Variants in MCC observed in about 807,000 individuals in gnomAD.
MCC encodes the protein MCC regulator of Wnt signaling pathway, also known as colorectal mutant cancer protein.
In MCC, 90 loss-of-function variants were observed where a neutral mutation model predicts 116.2. The observed-to-expected ratio is 0.77, with a 90% confidence interval of 0.65 to 0.92. The LOEUF is 0.92. Ranked by LOEUF, MCC falls within the 40% of genes least tolerant of loss-of-function variation. The pLI, the probability that MCC is intolerant of heterozygous loss-of-function variation, is 0.00. For synonymous variants in MCC, 578 were observed against 510.5 expected, an observed-to-expected ratio of 1.13 and a Z score of -1.78; for missense variants, 1,516 against 1,312.2, an observed-to-expected ratio of 1.16 and a Z score of -2.40.
chr5:113,034,292 G>A (rs1751172434), intron 17 of MCC, among the ~76,000 whole-genome samples: 3 of 152,336 alleles, frequency 2.0e-5, no homozygotes, highest in South Asian at 2.1e-4. Context: ...TGAATTTAAA[G>A]GTAATATGAA....
intron 2 of MCC, among the ~76,000 whole-genome samples, chr5:113,352,607 C>G (rs186018296): frequency 1.1e-4 from 17 of 152,078 alleles, no homozygotes; most frequent in African/African-American, 4.1e-4. Context: ...GTAGAAAGTT[C>G]TATGACTTTT....
At position 113,367,676 on chromosome 5, in the gene MCC, G is replaced by A. The variant is rs75741934; in HGVS notation, c.415+17292C>T. On this transcript the variant is annotated intron_variant, in intron 2 of 18. Transcript: ENST00000408903. ...AAAGAGAGAGAGAGAGAGCGAGAGA[G>A]AGAATCCCCTGACTGACTCTGAAAA... Among the ~76,000 whole-genome samples the A allele has an allele frequency of 6.9e-3, 1,046 of 151,030 alleles. 15 individuals are homozygous for A. Among genetic ancestry groups the A allele is most frequent in the African/African-American group, 0.025 (1,018 of 41,142 alleles).
chr5:113,475,965 T>C (rs1772224541), intron 1 of MCC, among the ~76,000 whole-genome samples: 1 of 152,202 alleles, frequency 6.6e-6, no homozygotes, highest in South Asian at 2.1e-4. Flanking sequence ...CATGGTCTGA[T>C]TGTAAACTAT....
chr5:113,124,249 A>G (rs1271436364), intron 5 of MCC, among the ~76,000 whole-genome samples: 6 of 152,238 alleles, frequency 3.9e-5, no homozygotes, highest in Non-Finnish European at 7.3e-5. Context: ...AAAGTCAACA[A>G]TAATTAGGTT....
At chr5:113,136,942 A>G (rs1486860994) in intron 5 of MCC, among the ~76,000 whole-genome samples, 1 of 152,156 alleles carries the variant, frequency 6.6e-6, no homozygotes, top group Non-Finnish European at 1.5e-5. Context: ...TCCAGTCTTT[A>G]GAGGAAAGGC....
At chr5:113,217,730 G>A (rs1763380409) in intron 3 of MCC, among the ~76,000 whole-genome samples, 1 of 152,234 alleles carries the variant, frequency 6.6e-6, no homozygotes, top group African/African-American at 2.4e-5. Flanking sequence ...TGACTATGAC[G>A]GATGGCCAGG....
intron 3 of MCC, among the ~76,000 whole-genome samples, chr5:113,194,920 C>G (rs983881195): frequency 1.3e-5 from 2 of 152,216 alleles, no homozygotes; most frequent in African/African-American, 4.8e-5. Context: ...ATGGCCCCCA[C>G]AGCAGGCCTC....
At chr5:113,074,944 T>C (rs571316257) in intron 11 of MCC, among the ~76,000 whole-genome samples, 31 of 151,350 alleles carry the variant, frequency 2.0e-4, no homozygotes, top group Admixed American at 1.9e-3. Flanking sequence ...GGCCTCGGTG[T>C]CTGCTCTGGC....
intron 3 of MCC, among the ~76,000 whole-genome samples, chr5:113,170,805 C>G: frequency 6.6e-6 from 1 of 151,998 alleles, no homozygotes. Context: ...TGTTTTGCTC[C>G]CAGAAAAGAG....
intron 1 of MCC, among the ~76,000 whole-genome samples, chr5:113,449,526 G>T (rs1771325476): frequency 6.6e-6 from 1 of 152,220 alleles, no homozygotes. Flanking sequence ...CTCAGCGGAG[G>T]CCAGGTACCC....
At chr5:113,399,344 G>C (rs1769617074) in intron 1 of MCC, among the ~76,000 whole-genome samples, 1 of 152,068 alleles carries the variant, frequency 6.6e-6, no homozygotes, top group Non-Finnish European at 1.5e-5. Flanking sequence ...AATTAGCCGG[G>C]CGTGGTGGCA....
At chr5:113,163,931 A>G (rs1299463977) in intron 3 of MCC, among the ~76,000 whole-genome samples, 1 of 152,232 alleles carries the variant, frequency 6.6e-6, no homozygotes, top group Admixed American at 6.5e-5. Flanking sequence ...ATCTCTGTGT[A>G]GTGTGATTAC....
intron 3 of MCC, among the ~76,000 whole-genome samples, chr5:113,334,671 A>G (rs570981896): frequency 1.4e-5 from 2 of 138,518 alleles, no homozygotes; most frequent in Non-Finnish European, 3.1e-5. Flanking sequence ...GCTCACTGCA[A>G]CCTCCGCCTC....
At chr5:113,181,379 G>T (rs1407899779) in intron 3 of MCC, among the ~76,000 whole-genome samples, 1 of 152,172 alleles carries the variant, frequency 6.6e-6, no homozygotes, top group Non-Finnish European at 1.5e-5. Flanking sequence ...AAAGAAATTT[G>T]GCTAGGCTGT....
At chr5:113,246,035 G>A (rs1402823973) in intron 3 of MCC, among the ~76,000 whole-genome samples, 1 of 152,152 alleles carries the variant, frequency 6.6e-6, no homozygotes, top group Non-Finnish European at 1.5e-5. Context: ...TATTTCCCGA[G>A]GGGAAGATGG....
intron 3 of MCC, among the ~76,000 whole-genome samples, chr5:113,293,127 C>T (rs914823560): frequency 2.6e-5 from 4 of 152,136 alleles, no homozygotes; most frequent in African/African-American, 7.2e-5. Flanking sequence ...CAGCATGACA[C>T]TTAAGAGCAC....
chr5:113,243,887 C>G (rs752424450), intron 3 of MCC, among the ~76,000 whole-genome samples: 3 of 152,252 alleles, frequency 2.0e-5, no homozygotes, highest in Non-Finnish European at 4.4e-5. Flanking sequence ...TGCTTCAGCT[C>G]TGCTAACACC....
intron 2 of MCC, among the ~76,000 whole-genome samples, chr5:113,355,757 C>A (rs568344163): frequency 6.6e-6 from 1 of 152,076 alleles, no homozygotes; most frequent in Non-Finnish European, 1.5e-5. Flanking sequence ...TAAGGCTCCA[C>A]CCCACGATCT....
At chr5:113,265,432 C>A (rs1765384768) in intron 3 of MCC, among the ~76,000 whole-genome samples, 1 of 152,146 alleles carries the variant, frequency 6.6e-6, no homozygotes, top group Admixed American at 6.5e-5. Flanking sequence ...GCAGCTTTCT[C>A]TATGGGGCCA....
Sources: gnomAD v4.1 joint callset for allele counts (sites outside exome capture counted in the v4.1 genomes callset) on GRCh38, gnomAD v4.1.1 for gene constraint, MANE v1.5 for transcripts, NCBI Gene and HGNC (gene_info 2026-07-23, HGNC 2026-07-21) for gene names.